The following ZNF652 variants were observed in gnomAD, a reference collection of about 807,000 sequenced individuals.
The protein encoded by ZNF652 is zinc finger protein 652.
In ZNF652, 16 loss-of-function variants were observed where a neutral mutation model predicts 45.2. The observed-to-expected ratio is 0.35, with a 90% CI of 0.24 to 0.54. ZNF652 has a LOEUF of 0.54. Ranked by LOEUF, ZNF652 falls within the 20% of genes least tolerant of loss-of-function variation. ZNF652 has a pLI of 0.91. For missense variants in ZNF652, 614 were observed against 765.6 expected, an observed-to-expected ratio of 0.80 and a Z score of 2.34; for synonymous variants, 250 against 260.6, an observed-to-expected ratio of 0.96 and a Z score of 0.39.
In ZNF652 at chr17:49,294,184, CAT is replaced by C. The variant is rs1301460922; in HGVS notation, c.*4227_*4228del. 6.6e-6 allele frequency among the ~76,000 whole-genome samples: 1 copy of C among 151,984 alleles called. No individual in the cohort carries two copies. Among genetic ancestry groups the C allele is most frequent in the African/African-American group, 2.4e-5 (1 of 41,378 alleles). On this transcript the variant is annotated 3_prime_UTR_variant, in exon 6 of 6. Coordinates refer to ENST00000430262, the MANE Select transcript of ZNF652 (RefSeq NM_001145365.3). The stretch of plus-strand genomic sequence containing the variant: ...AAAAAATTTCAAGAATTAAAAAATT[CAT>C]AGTTTATAAGCATCTCATCAGAGCA...
intron 1 of ZNF652, 78 bp from the exon 2 acceptor site, chr17:49,318,061 A>G (rs2069835392): frequency 5.7e-6 from 1 of 176,740 alleles, no homozygotes; most frequent in African/African-American, 2.4e-5. Context: ...AAATCACAAG[A>G]AACAGGGCTT....
intron 1 of ZNF652, among the ~76,000 whole-genome samples, chr17:49,355,468 T>A (rs1051686884): frequency 6.6e-6 from 1 of 152,018 alleles, no homozygotes; most frequent in African/African-American, 2.4e-5. Context: ...TCCCAGCTAC[T>A]CAGGAGGCTG....
intron 5 of ZNF652, among the ~76,000 whole-genome samples, chr17:49,300,247 T>TA (rs1392115799): frequency 6.6e-6 from 1 of 152,186 alleles, no homozygotes; most frequent in African/African-American, 2.4e-5. Context: ...GGTGCCAGCC[T>TA]ACTGAATACC....
At chr17:49,318,850 G>T (rs1260778165) in intron 1 of ZNF652, among the ~76,000 whole-genome samples, 2 of 152,170 alleles carry the variant, frequency 1.3e-5, no homozygotes. Flanking sequence ...TAGAAGAGAA[G>T]AAAAATGTCC....
intron 1 of ZNF652, among the ~76,000 whole-genome samples, chr17:49,357,043 A>G (rs956681071): frequency 1.3e-5 from 2 of 151,928 alleles, no homozygotes; most frequent in Non-Finnish European, 2.9e-5. Context: ...TCACGCCTGT[A>G]ATCCCAGCAC....
At chr17:49,299,435 C>T (rs112368882) in intron 5 of ZNF652, among the ~76,000 whole-genome samples, 2,752 of 152,136 alleles carry the variant, frequency 0.018, 93 homozygotes, top group African/African-American at 0.063. Context: ...GGCTACAGTG[C>T]GATGGTGCAA....
intron 5 of ZNF652, among the ~76,000 whole-genome samples, chr17:49,299,847 CT>C (rs562495965): frequency 1.2e-3 from 158 of 135,402 alleles, no homozygotes; most frequent in East Asian, 2.1e-3. Context: ...GCCTGGCTAT[CT>C]TTTTTTTTTT....
chr17:49,343,924 C>G (rs1045535231), intron 1 of ZNF652, among the ~76,000 whole-genome samples: 1 of 151,982 alleles, frequency 6.6e-6, no homozygotes, highest in Non-Finnish European at 1.5e-5. Context: ...GCCGGCCAGG[C>G]GCGGTGGCTC....
rs1386412673 is a variant in ZNF652 at position 49,291,483 on chromosome 17, A to T, written c.*6930T>A. 1 of 152,218 alleles carries T rather than the reference A, an allele frequency of 6.6e-6. No individual in the cohort carries two copies. Among genetic ancestry groups the T allele is most frequent in the East Asian group, 1.9e-4 (1 of 5,198 alleles). The allele number at this position is 152,218 out of a possible 1,614,324, so 9.4% of individuals were successfully genotyped here. On this transcript the variant is annotated 3_prime_UTR_variant, in exon 6 of 6. Transcript: ENST00000430262. Reference sequence around the variant, plus strand: ...ATGAAATCATTTTCAAGTAATATGTAACATCCCTGATCTCACCAGAGAAGC... The same window carrying T: ...ATGAAATCATTTTCAAGTAATATGTTACATCCCTGATCTCACCAGAGAAGC...
Position 49,307,328 on chromosome 17 carries a change from G to A in ZNF652, c.1309+3984C>T, listed in dbSNP as rs142512210. On this transcript the variant is annotated intron_variant, in intron 5 of 5. Transcript: ENST00000430262. ...TGCCTGTAATCCCAGCTACTTGAGA[G>A]GCTGAGGCAGGAGAATCACTTGAAC... 3.6e-4 allele frequency among the ~76,000 whole-genome samples: 55 copies of A among 151,242 alleles called. 1 individual carries two copies. In the East Asian group the frequency reaches 0.011, roughly 30 times the overall value.
intron 1 of ZNF652, among the ~76,000 whole-genome samples, chr17:49,328,929 A>T (rs2069994809): frequency 6.6e-6 from 1 of 152,252 alleles, no homozygotes; most frequent in African/African-American, 2.4e-5. Flanking sequence ...TCCTAGTCCA[A>T]GTTTACCACA....
chr17:49,303,840 C>A (rs2069588385), intron 5 of ZNF652, among the ~76,000 whole-genome samples: 1 of 151,830 alleles, frequency 6.6e-6, no homozygotes, highest in Non-Finnish European at 1.5e-5. Context: ...TTTATGTGCT[C>A]AAATCCCCTT....
rs751923439 is a variant in ZNF652 at position 49,316,886 on chromosome 17, C to A, written c.840G>T (p.Lys280Asn). 6.2e-7 allele frequency: 1 copy of A among 1,614,126 alleles called. No individual in the cohort carries two copies. The highest frequency in any genetic ancestry group is 2.2e-5 in the East Asian group (1 of 44,884). ...RMQICDKCGK[K>N]FVLESELSLH... ...GGGACAGCTCACTTTCCAGGACAAACTTCTTGCCACATTTATCACAAATCT... is the reference window on the plus strand; with the variant it reads ...GGGACAGCTCACTTTCCAGGACAAAATTCTTGCCACATTTATCACAAATCT... The change falls in exon 2 of 6, where the codon AAG becomes AAT. Residue 280 changes from lysine to asparagine, a missense_variant. Around this residue, in one of 5 missense-constraint regions of ZNF652, gnomAD observed 262 missense variants for 306.3 expected, o/e 0.86. Transcript: ENST00000430262.
rs750591533 is a variant in ZNF652, at chr17:49,296,393, T to C, written c.*2020A>G. 3 of 152,580 alleles carry C rather than the reference T, an allele frequency of 2.0e-5. No homozygotes were observed. Among genetic ancestry groups the C allele is most frequent in the African/African-American group, 4.8e-5 (2 of 41,436 alleles). 9.5% of individuals were successfully genotyped at this position (152,580 alleles called of 1,614,324 possible). On this transcript the variant is annotated 3_prime_UTR_variant, in exon 6 of 6. Transcript: ENST00000430262. ...TAGAGAACGTGATGTTTGAAAAATA[T>C]GGACTTAATCTCAATTGAAAGAGTT...
rs2069817845 is a variant in ZNF652, at chr17:49,317,119, T to G, written c.607A>C (p.Thr203Pro). The G allele has an allele frequency of 6.2e-7, 1 of 1,613,956 alleles. No individual in the cohort carries two copies. The highest frequency in any genetic ancestry group is 1.7e-5 in the Admixed American group (1 of 59,982). Residue 203 changes from threonine (T) to proline (P), a missense_variant, in exon 2 of 6, where the codon ACT (threonine) becomes CCT (proline). Transcript: ENST00000430262. ...CTTGTAGTTCTGGGAGTAGGGGAAG[T>G]GGTAGCTGCGGCAACAGAGGCAGCT... is the stretch of plus-strand genomic sequence containing the variant. Reference protein sequence around the residue: ...RRAASVAAATTSPTPRTTRGR... With the variant: ...RRAASVAAATPSPTPRTTRGR...
At chr17:49,300,403 G>A (rs1028919394) in intron 5 of ZNF652, among the ~76,000 whole-genome samples, 2 of 152,152 alleles carry the variant, frequency 1.3e-5, no homozygotes. Context: ...ATAGTTCTTA[G>A]AGCATTTAGA....
intron 1 of ZNF652, among the ~76,000 whole-genome samples, chr17:49,346,487 G>A (rs2070206324): frequency 1.3e-5 from 2 of 152,338 alleles, no homozygotes; most frequent in South Asian, 4.1e-4. Context: ...GGAGGCAGAG[G>A]TTGCACTGAG....
At chr17:49,313,816 T>A (rs1284075054) in intron 2 of ZNF652, among the ~76,000 whole-genome samples, 1 of 149,708 alleles carries the variant, frequency 6.7e-6, no homozygotes, top group Non-Finnish European at 1.5e-5. Context: ...CTACTAAAAA[T>A]AAAAAAATTA....
At chr17:49,325,695 T>C (rs2069949249) in intron 1 of ZNF652, among the ~76,000 whole-genome samples, 1 of 151,710 alleles carries the variant, frequency 6.6e-6, no homozygotes, top group Non-Finnish European at 1.5e-5. Context: ...TGGTGCTGCA[T>C]GCCCGTGGTC....
Sources: allele counts gnomAD v4.1 joint callset (sites outside exome capture counted in the v4.1 genomes callset), GRCh38; gene constraint gnomAD v4.1.1; regional missense constraint gnomAD v4.1.1; transcripts MANE v1.5; gene names NCBI Gene and HGNC (gene_info 2026-07-23, HGNC 2026-07-21).